PPP2R5D: variants seen among roughly 807,000 people sequenced by gnomAD.
The protein encoded by PPP2R5D is protein phosphatase 2 regulatory subunit B'delta.
Under a neutral mutation model 79.1 loss-of-function variants are expected in PPP2R5D, and 12 were observed. That is an observed-to-expected ratio of 0.15 (90% CI 0.10 to 0.25). PPP2R5D has a LOEUF of 0.25. Among genes scored for constraint, PPP2R5D ranks in the 10% least tolerant of loss-of-function variants. The pLI is 1.00. For missense variants in PPP2R5D, 419 were observed against 760.2 expected (o/e 0.55, Z 5.28); for synonymous variants, 277 against 286.6 (o/e 0.97, Z 0.34).
rs1762266372 is a variant in PPP2R5D, at chr6:43,009,877, G to A, written c.1379+428G>A. ...GAGGTCAGGAGTTTGAGACCAGCCTGCCCAACATAGTGAAACCCCCATCTC... is the reference window on the plus strand; with the variant it reads ...GAGGTCAGGAGTTTGAGACCAGCCTACCCAACATAGTGAAACCCCCATCTC... On this transcript the variant is annotated intron_variant, in intron 12 of 15. Coordinates refer to ENST00000485511, the MANE Select transcript of PPP2R5D (RefSeq NM_006245.4). This position sits in a 1 kb window ranked among gnomAD's most constrained non-coding sequence, Gnocchi z 5.6. Among the ~76,000 whole-genome samples, 1 of 152,124 alleles carries A rather than the reference G, an allele frequency of 6.6e-6. No individual in the cohort carries two copies. Among genetic ancestry groups the A allele is most frequent in the Admixed American group, 6.6e-5 (1 of 15,264 alleles).
chr6:42,990,854 C>A (rs901539395), intron 2 of PPP2R5D, among the ~76,000 whole-genome samples: 1 of 151,716 alleles, frequency 6.6e-6, no homozygotes, highest in Non-Finnish European at 1.5e-5. Flanking sequence ...GGATTACAGG[C>A]GCATGCCACC....
At chr6:43,005,741 C>T (rs898652944) in intron 2 of PPP2R5D, among the ~76,000 whole-genome samples, 9 of 152,116 alleles carry the variant, frequency 5.9e-5, no homozygotes, top group African/African-American at 2.2e-4. Flanking sequence ...CCTGCCTCAG[C>T]CTCCCAAGTA....
At chr6:42,998,057 ATTTTTTTTTTTTTTTTTT>A (rs1163890447) in intron 2 of PPP2R5D, among the ~76,000 whole-genome samples, 5 of 12,786 alleles carry the variant, frequency 3.9e-4, no homozygotes, top group Admixed American at 3.2e-3. Context: ...ATATATATAT[ATTTTTTTTTTTTTTTTTT>A]TTTTTTTTTT....
At chr6:42,990,170 C>T (rs1438079917) in intron 2 of PPP2R5D, among the ~76,000 whole-genome samples, 40 of 152,162 alleles carry the variant, frequency 2.6e-4, no homozygotes. Context: ...GAGCAGAGTT[C>T]AGCGCAGCTT....
Position 43,011,333 on chromosome 6 carries a change from C to A in PPP2R5D, c.*47C>A. ...GGCCACAGCCCACACAGCCCTGGGA[C>A]ACTGCCCTGGCCCTCCATACTCTGC... On this transcript the variant is annotated 3_prime_UTR_variant, in exon 16 of 16. Transcript: ENST00000485511. The A allele has an allele frequency of 6.2e-7, 1 of 1,610,348 alleles. No individual in the cohort carries two copies. Among genetic ancestry groups the A allele is most frequent in the Non-Finnish European group, 8.5e-7 (1 of 1,178,596 alleles).
chr6:43,004,183 T>G (rs532841533), intron 2 of PPP2R5D, among the ~76,000 whole-genome samples: 1 of 152,084 alleles, frequency 6.6e-6, no homozygotes, highest in East Asian at 1.9e-4. Flanking sequence ...CCACCAGGCC[T>G]GGCTAATTTT....
intron 2 of PPP2R5D, among the ~76,000 whole-genome samples, chr6:43,002,802 C>G (rs1257396868): frequency 6.6e-6 from 1 of 152,110 alleles, no homozygotes; most frequent in African/African-American, 2.4e-5. Flanking sequence ...TCAAGTTCTT[C>G]TATTATTATG....
chr6:42,989,187 A>T (rs898912964), intron 1 of PPP2R5D, among the ~76,000 whole-genome samples: 4 of 152,064 alleles, frequency 2.6e-5, no homozygotes, highest in Non-Finnish European at 5.9e-5. Context: ...GTGAGGGGAG[A>T]GTGGTGACTC....
Position 43,011,363 on chromosome 6 carries a change from T to G in PPP2R5D, c.*77T>G. ...CCCTGGCCCTCCATACTCTGCTCCC[T>G]ACTGGCTGTCTTGGGGGAAGGCAGC... On this transcript the variant is annotated 3_prime_UTR_variant, in exon 16 of 16. Coordinates refer to ENST00000485511, the MANE Select transcript of PPP2R5D (RefSeq NM_006245.4). 3.8e-6 allele frequency: 6 copies of G among 1,575,500 alleles called. No homozygotes were observed. The South Asian group carries it at 6.8e-5, about 18-fold the overall frequency.
chr6:42,994,435 T>C (rs538343328), intron 2 of PPP2R5D, among the ~76,000 whole-genome samples: 1 of 152,316 alleles, frequency 6.6e-6, no homozygotes, highest in African/African-American at 2.4e-5. Context: ...AAGTGAATCC[T>C]AGAATGGAAA....
intron 2 of PPP2R5D, among the ~76,000 whole-genome samples, chr6:42,998,021 A>T (rs1308725569): frequency 1.2e-4 from 1 of 8,100 alleles, no homozygotes; most frequent in Non-Finnish European, 2.4e-4. Context: ...TTATTTATAT[A>T]TATATATATA....
intron 1 of PPP2R5D, among the ~76,000 whole-genome samples, chr6:42,985,838 C>T (rs1269908658): frequency 1.4e-5 from 2 of 145,694 alleles, no homozygotes; most frequent in Non-Finnish European, 3.0e-5. Flanking sequence ...AGTGCAATGG[C>T]GCGATCTCGG....
rs369644228 is a variant in PPP2R5D at position 43,008,150 on chromosome 6, A to G, written c.858-51A>G. ...CAGGGAGGTGGGGGGACTGTACAGA[A>G]TGCTGGAGGGACATCAGGGGTTGTC... On this transcript the variant is annotated intron_variant, in intron 7 of 15. Coordinates refer to ENST00000485511, the MANE Select transcript of PPP2R5D (RefSeq NM_006245.4). The surrounding 1 kb of genome is among the most constrained non-coding windows in gnomAD (Gnocchi z 4.2). The G allele has an allele frequency of 2.1e-5, 34 of 1,613,794 alleles. No individual in the cohort carries two copies. Among genetic ancestry groups the G allele is most frequent in the Non-Finnish European group, 2.6e-5 (31 of 1,179,922 alleles).
chr6:42,985,040 G>A (rs1440238369), intron 1 of PPP2R5D, among the ~76,000 whole-genome samples: 2 of 149,140 alleles, frequency 1.3e-5, no homozygotes, highest in East Asian at 4.0e-4. Context: ...ATCACCCCTG[G>A]CCCCGATCCC....
At chr6:42,984,727 C>A in intron 1 of PPP2R5D, 23 bp downstream of exon 1, 1 of 1,611,772 alleles carries the variant, frequency 6.2e-7, no homozygotes, top group South Asian at 1.1e-5. Context: ...CTTTTTCCCC[C>A]ACCGCCGCCT....
intron 2 of PPP2R5D, among the ~76,000 whole-genome samples, chr6:43,002,318 C>T (rs1370633697): frequency 6.6e-6 from 1 of 152,152 alleles, no homozygotes; most frequent in East Asian, 1.9e-4. Context: ...CACGTGCCAC[C>T]ACGCCCAGCT....
intron 2 of PPP2R5D, among the ~76,000 whole-genome samples, chr6:42,992,173 C>A (rs1771307562): frequency 6.6e-6 from 1 of 152,182 alleles, no homozygotes; most frequent in African/African-American, 2.4e-5. Flanking sequence ...CATTCTCCTG[C>A]CTCAGCCTCC....
rs964734455 is a variant in PPP2R5D, at chr6:43,011,592, A to G, written c.*306A>G. ...ACAGCTACCTGAGGCTGCTCTGAGA[A>G]GTACACACAGGAATACATACGCTCC... On this transcript the variant is annotated 3_prime_UTR_variant, in exon 16 of 16. Coordinates refer to ENST00000485511, the MANE Select transcript of PPP2R5D (RefSeq NM_006245.4). The G allele has an allele frequency of 8.8e-6, 4 of 455,376 alleles. No homozygotes were observed. The highest frequency in any genetic ancestry group is 3.7e-5 in the Admixed American group (1 of 27,176). The allele number at this position is 455,376 out of a possible 1,614,324, so 28.2% of individuals were successfully genotyped here.
chr6:42,993,376 C>T (rs900440376), intron 2 of PPP2R5D, among the ~76,000 whole-genome samples: 30 of 151,904 alleles, frequency 2.0e-4, no homozygotes, highest in Non-Finnish European at 4.0e-4. Context: ...GAGGCTGAGG[C>T]TGGAGAATTG....
Sources: allele counts gnomAD v4.1 joint callset (sites outside exome capture counted in the v4.1 genomes callset), GRCh38; gene constraint gnomAD v4.1.1; non-coding constraint Gnocchi (gnomAD v3.1); transcripts MANE v1.5; gene names NCBI Gene and HGNC (gene_info 2026-07-23, HGNC 2026-07-21).